Variants in NCKAP5 observed in about 807,000 individuals in gnomAD.
The protein encoded by NCKAP5 is nck-associated protein 5.
NCKAP5 carries 92 observed loss-of-function variants against 167.0 expected under a neutral mutation model. The ratio of observed to expected loss-of-function variants is 0.55; its 90% confidence interval spans 0.47 to 0.66. NCKAP5 has a LOEUF of 0.66. Ranked by LOEUF, NCKAP5 falls within the 30% of genes least tolerant of loss-of-function variation. NCKAP5 has a pLI of 0.00. For synonymous variants in NCKAP5, 891 were observed against 877.4 expected, an observed-to-expected ratio of 1.02 and a Z score of -0.27; for missense variants, 2,378 against 2,315.0, an observed-to-expected ratio of 1.03 and a Z score of -0.56.
At chr2:133,117,376 C>T (rs2082115617) in intron 6 of NCKAP5, 2 of 152,154 alleles carry the variant, frequency 1.3e-5, no homozygotes, top group Non-Finnish European at 2.9e-5. Flanking sequence ...TAGTCCTTCG[C>T]CTCTCCGGAT....
intron 5 of NCKAP5, among the ~76,000 whole-genome samples, chr2:133,194,057 T>C (rs2085338096): frequency 2.0e-5 from 3 of 152,162 alleles, no homozygotes. Flanking sequence ...CATATGCGTA[T>C]ACATGCATAT....
intron 6 of NCKAP5, among the ~76,000 whole-genome samples, chr2:133,019,248 T>C (rs2078445103): frequency 6.6e-6 from 1 of 152,190 alleles, no homozygotes; most frequent in African/African-American, 2.4e-5. Flanking sequence ...GTTGCAGCTC[T>C]TTTTTTGTTA....
intron 16 of NCKAP5, among the ~76,000 whole-genome samples, chr2:132,770,144 C>T (rs959630809): frequency 1.3e-5 from 2 of 152,050 alleles, no homozygotes; most frequent in Non-Finnish European, 2.9e-5. Context: ...GTATTGAGTG[C>T]CCCAAACTTA....
chr2:132,698,442 T>C (rs1226096476), intron 19 of NCKAP5, among the ~76,000 whole-genome samples: 1 of 152,140 alleles, frequency 6.6e-6, no homozygotes, highest in Non-Finnish European at 1.5e-5. Context: ...TGAATCTCAG[T>C]TTTATTATAT....
the NCKAP5 span, among the ~76,000 whole-genome samples, chr2:133,652,348 TAAGA>T: frequency 2.6e-5 from 4 of 152,182 alleles, no homozygotes; most frequent in African/African-American, 4.8e-5. Flanking sequence ...ATTAATTCCT[TAAGA>T]AAGAACACAG....
intron 8 of NCKAP5, among the ~76,000 whole-genome samples, chr2:132,920,708 T>A (rs1332770962): frequency 3.3e-5 from 3 of 89,836 alleles, no homozygotes; most frequent in African/African-American, 1.7e-4. Context: ...TATACGTATA[T>A]GTATATATAT....
chr2:133,498,195 T>C (rs1031370037), intron 3 of NCKAP5, among the ~76,000 whole-genome samples: 1 of 152,146 alleles, frequency 6.6e-6, no homozygotes, highest in Non-Finnish European at 1.5e-5. Flanking sequence ...GTGGCTACTG[T>C]GTTGAAGAGC....
chr2:132,707,091 C>G (rs183779355), intron 19 of NCKAP5, among the ~76,000 whole-genome samples: 1 of 152,338 alleles, frequency 6.6e-6, no homozygotes, highest in Non-Finnish European at 1.5e-5. Context: ...CTGGTTTCAA[C>G]TTCATGTAAC....
At chr2:132,840,897 T>C (rs1688251111) in intron 11 of NCKAP5, among the ~76,000 whole-genome samples, 1 of 152,194 alleles carries the variant, frequency 6.6e-6, no homozygotes, top group African/African-American at 2.4e-5. Context: ...TCACTGTATA[T>C]TTATTGAAAA....
At chr2:133,346,061 A>C (rs908208563) in intron 3 of NCKAP5, among the ~76,000 whole-genome samples, 5 of 152,174 alleles carry the variant, frequency 3.3e-5, no homozygotes, top group Non-Finnish European at 7.4e-5. Flanking sequence ...AGGTTTCCCT[A>C]TCAATTATAT....
At chr2:132,836,542 A>G (rs1687900585) in intron 11 of NCKAP5, among the ~76,000 whole-genome samples, 1 of 151,984 alleles carries the variant, frequency 6.6e-6, no homozygotes, top group Admixed American at 6.6e-5. Context: ...TCTCAGATAT[A>G]AAGTTTATTA....
intron 2 of NCKAP5, among the ~76,000 whole-genome samples, chr2:133,521,621 ACT>A (rs980445229): frequency 5.7e-4 from 87 of 152,268 alleles, no homozygotes; most frequent in African/African-American, 1.9e-3. Context: ...ACATCTTCTC[ACT>A]GTGTCCTCAC....
chr2:133,267,113 G>A (rs925642259), intron 4 of NCKAP5, among the ~76,000 whole-genome samples: 20 of 152,298 alleles, frequency 1.3e-4, no homozygotes, highest in Middle Eastern at 3.4e-3. Flanking sequence ...GGGGAAGGGA[G>A]GTGGGGGTGA....
chr2:133,513,908 G>C (rs1683730673), intron 3 of NCKAP5, among the ~76,000 whole-genome samples: 1 of 152,184 alleles, frequency 6.6e-6, no homozygotes, highest in African/African-American at 2.4e-5. Context: ...TCATGCTCCA[G>C]CATGCTCATC....
chr2:133,633,693 T>A, the NCKAP5 span, among the ~76,000 whole-genome samples: 1 of 152,194 alleles, frequency 6.6e-6, no homozygotes, highest in East Asian at 1.9e-4. Flanking sequence ...ATTTTATAGA[T>A]GAATGAACTG....
At chr2:132,714,623 G>T (rs1689180280) in intron 19 of NCKAP5, among the ~76,000 whole-genome samples, 1 of 152,068 alleles carries the variant, frequency 6.6e-6, no homozygotes, top group Non-Finnish European at 1.5e-5. Flanking sequence ...TTTGAGACCA[G>T]CCTGACCAAC....
At position 133,467,269 on chromosome 2, in the gene NCKAP5, A is replaced by C. The variant is rs527997037; in HGVS notation, c.69+50189T>G. Among the ~76,000 whole-genome samples, 296 of 150,872 alleles carry C rather than the reference A, an allele frequency of 2.0e-3. 1 individual carries two copies. Among genetic ancestry groups the C allele is most frequent in the African/African-American group, 6.2e-3 (257 of 41,182 alleles). On this transcript the variant is annotated intron_variant, in intron 3 of 19. Coordinates refer to ENST00000409261, the MANE Select transcript of NCKAP5 (RefSeq NM_207363.3). ...TTTTTCTGCATCTATTGAGATAATC[A>C]TGTGGTTTTTGTCTTTGGCTCTGTT...
intron 5 of NCKAP5, among the ~76,000 whole-genome samples, chr2:133,173,983 T>C (rs893000871): frequency 7.9e-5 from 12 of 151,902 alleles, no homozygotes; most frequent in African/African-American, 2.7e-4. Context: ...ACGCTTTTTT[T>C]CCCCCAGTGA....
In NCKAP5 at chr2:133,085,370, AAAAAT is replaced by A. The variant is rs2080952193; in HGVS notation, c.341+44603_341+44607del. On this transcript the variant is annotated intron_variant, in intron 6 of 19. Transcript: ENST00000409261. Reference sequence around the variant, plus strand: ...GACTTTAAATTGTTTTGGTATTCTAAAAAATAAAATAAAGAAACTTCATAATAAGT... The same window carrying A: ...GACTTTAAATTGTTTTGGTATTCTAAAAAATAAAGAAACTTCATAATAAGT... Among the ~76,000 whole-genome samples, 3 of 152,310 alleles carry A rather than the reference AAAAAT, an allele frequency of 2.0e-5. No individual in the cohort carries two copies. In the South Asian group the frequency reaches 6.2e-4, roughly 32 times the overall value.
Sources: gnomAD v4.1 joint callset for allele counts (sites outside exome capture counted in the v4.1 genomes callset) on GRCh38, gnomAD v4.1.1 for gene constraint, MANE v1.5 for transcripts, NCBI Gene and HGNC (gene_info 2026-07-23, HGNC 2026-07-21) for gene names.